SLC2A9: variants seen among roughly 807,000 people sequenced by gnomAD.
The protein encoded by SLC2A9 is solute carrier family 2 member 9.
SLC2A9 carries 39 observed loss-of-function variants against 50.6 expected under a neutral mutation model. That is an observed-to-expected ratio of 0.77 (90% CI 0.60 to 1.01). The LOEUF (loss-of-function observed/expected upper bound fraction) is 1.01. SLC2A9 is among the 50% of genes least tolerant of loss of function. SLC2A9 has a pLI of 0.00. For missense variants in SLC2A9, 686 were observed against 677.6 expected (o/e 1.01, Z -0.14); for synonymous variants, 324 against 276.9 (o/e 1.17, Z -1.69).
intron 5 of SLC2A9, among the ~76,000 whole-genome samples, chr4:9,972,252 T>C (rs956873359): frequency 1.3e-5 from 2 of 152,340 alleles, no homozygotes; most frequent in South Asian, 2.1e-4. Context: ...CTTCTGAGCA[T>C]ATAAAATCGT....
rs150546847 is a variant in SLC2A9 at position 9,870,518 on chromosome 4, C to G, written c.1291+17049G>C. On this transcript the variant is annotated intron_variant, in intron 10 of 11. Coordinates refer to ENST00000264784, the MANE Select transcript of SLC2A9 (RefSeq NM_020041.3). ...ACTTTGAAGGGCTCAAAATCTTTCTCAGAGCAGCATTTGCTTGGACTGCTT... is the reference window on the plus strand; with the variant it reads ...ACTTTGAAGGGCTCAAAATCTTTCTGAGAGCAGCATTTGCTTGGACTGCTT... Among the ~76,000 whole-genome samples, 584 of 152,320 alleles carry G rather than the reference C, an allele frequency of 3.8e-3. 5 individuals are homozygous for G. Among genetic ancestry groups the G allele is most frequent in the African/African-American group, 0.013 (530 of 41,562 alleles).
At chr4:9,834,841 A>G in intron 11 of SLC2A9, 40 bp downstream of exon 11, 1 of 1,613,956 alleles carries the variant, frequency 6.2e-7, no homozygotes, top group Non-Finnish European at 8.5e-7. Context: ...TGCAGAATCA[A>G]AGGGAACCCC....
At chr4:9,823,447 A>G (rs1235483032), downstream of SLC2A9, among the ~76,000 whole-genome samples, 1 of 152,170 alleles carries the variant, frequency 6.6e-6, no homozygotes, top group Non-Finnish European at 1.5e-5. Flanking sequence ...TTTGTGTCAC[A>G]TGTATTTTAT....
chr4:9,994,564 C>CTTTTTTTTTT (rs35574155), intron 3 of SLC2A9, among the ~76,000 whole-genome samples: 3 of 131,826 alleles, frequency 2.3e-5, no homozygotes, highest in Non-Finnish European at 1.6e-5. Context: ...TTTCCTTTTC[C>CTTTTTTTTTT]TTTTTTTTTT....
chr4:9,870,366 A>G (rs574675013), intron 10 of SLC2A9, among the ~76,000 whole-genome samples: 1 of 152,346 alleles, frequency 6.6e-6, no homozygotes, highest in East Asian at 1.9e-4. Context: ...GTGAAGAGGA[A>G]GACAGCTGCT....
intron 10 of SLC2A9, 63 bp downstream of exon 10, chr4:9,887,504 C>A: frequency 1.4e-6 from 2 of 1,476,602 alleles, no homozygotes; most frequent in Non-Finnish European, 1.8e-6. Flanking sequence ...ATGAGGAGAG[C>A]CCCCCAGCTT....
chr4:9,807,466 T>C (rs1553816899), intron 3 of SLC2A9, among the ~76,000 whole-genome samples: 2 of 152,230 alleles, frequency 1.3e-5, no homozygotes, highest in Non-Finnish European at 2.9e-5. Flanking sequence ...ATGGTTTATG[T>C]TGAGACTTGC....
chr4:9,908,468 G>A (rs972959337), intron 7 of SLC2A9, 123 bp from the exon 8 acceptor site: 41 of 544,400 alleles, frequency 7.5e-5, no homozygotes, highest in African/African-American at 5.4e-4. Flanking sequence ...GTGGAGAGGC[G>A]TGGATGCTCA....
At chr4:9,851,008 C>A (rs1419642144) in intron 10 of SLC2A9, among the ~76,000 whole-genome samples, 1 of 150,908 alleles carries the variant, frequency 6.6e-6, no homozygotes, top group Admixed American at 6.6e-5. Flanking sequence ...TGTGCTGCTG[C>A]CATTCATCAC....
At chr4:9,942,849 C>A (rs1024741686) in intron 5 of SLC2A9, among the ~76,000 whole-genome samples, 5 of 152,214 alleles carry the variant, frequency 3.3e-5, no homozygotes, top group Non-Finnish European at 5.9e-5. Context: ...GCTCACAATG[C>A]AGTTCTGATC....
intron 5 of SLC2A9, among the ~76,000 whole-genome samples, chr4:9,958,770 T>C (rs942098748): frequency 5.9e-5 from 9 of 152,088 alleles, no homozygotes; most frequent in Admixed American, 2.6e-4. Flanking sequence ...AAAAGACCCA[T>C]TTAGACGAAA....
chr4:10,039,380 A>G (rs935367763), intron 1 of SLC2A9, among the ~76,000 whole-genome samples: 15 of 152,302 alleles, frequency 9.8e-5, no homozygotes, highest in African/African-American at 2.9e-4. Context: ...ATGGGACGTG[A>G]AGGGCCAGAG....
intron 3 of SLC2A9, among the ~76,000 whole-genome samples, chr4:9,808,395 C>G (rs545679664): frequency 6.6e-6 from 1 of 152,162 alleles, no homozygotes; most frequent in Non-Finnish European, 1.5e-5. Context: ...ACTCTGCCTG[C>G]GTCGGCCACA....
chr4:9,900,906 C>T (rs1739480198), intron 8 of SLC2A9, among the ~76,000 whole-genome samples: 1 of 152,170 alleles, frequency 6.6e-6, no homozygotes, highest in Non-Finnish European at 1.5e-5. Flanking sequence ...ATTCAATTAC[C>T]TCCCACCGGT....
chr4:9,914,073 G>A, intron 7 of SLC2A9, among the ~76,000 whole-genome samples: 1 of 152,204 alleles, frequency 6.6e-6, no homozygotes. Flanking sequence ...AGGTAAGGGT[G>A]ACCCAGCTAT....
intron 3 of SLC2A9, among the ~76,000 whole-genome samples, chr4:9,799,643 T>C (rs1032644824): frequency 4.0e-5 from 6 of 150,102 alleles, no homozygotes; most frequent in Non-Finnish European, 8.9e-5. Context: ...CTCTCAGTCT[T>C]ACGTAAATGA....
At chr4:9,837,583 C>T (rs552781479) in intron 10 of SLC2A9, among the ~76,000 whole-genome samples, 5 of 152,334 alleles carry the variant, frequency 3.3e-5, no homozygotes, top group Admixed American at 3.3e-4. Flanking sequence ...GACAAATTGC[C>T]TCCTGGTACA....
rs13106450 is a variant in SLC2A9, at chr4:9,931,960, C to G, written c.814+9953G>C. ...TCTCTCTCTCTCTCTCTCTCTCTCT[C>G]TCTATATATATATATATATATATAT... On this transcript the variant is annotated intron_variant, in intron 6 of 11. Coordinates refer to ENST00000264784, the MANE Select transcript of SLC2A9 (RefSeq NM_020041.3). Among the ~76,000 whole-genome samples the G allele has an allele frequency of 1.3e-4, 3 of 22,352 alleles. No homozygotes were observed. In the East Asian group the frequency reaches 4.5e-3, roughly 33 times the overall value. 14.7% of individuals were successfully genotyped at this position (22,352 alleles called of 152,430 possible). A position where few individuals can be genotyped will look rare whatever the true frequency, so the allele number is the denominator to read the frequency against.
At chr4:10,025,164 C>A (rs1471023326), upstream of SLC2A9, among the ~76,000 whole-genome samples, 5 of 152,188 alleles carry the variant, frequency 3.3e-5, no homozygotes, top group Admixed American at 6.5e-5. Flanking sequence ...ATTATAAATA[C>A]AAATAAATTT....
Sources: allele counts gnomAD v4.1 joint callset (sites outside exome capture counted in the v4.1 genomes callset), GRCh38; gene constraint gnomAD v4.1.1; transcripts MANE v1.5; gene names NCBI Gene and HGNC (gene_info 2026-07-23, HGNC 2026-07-21).